The following BRAF variants were observed in gnomAD, a reference collection of about 807,000 sequenced individuals.
BRAF encodes B-Raf proto-oncogene, serine/threonine kinase.
A neutral mutation model predicts 104.6 loss-of-function variants in BRAF; 16 were observed. The observed-to-expected ratio is 0.15, with a 90% CI of 0.10 to 0.23. The LOEUF (loss-of-function observed/expected upper bound fraction) is 0.23. Ranked by LOEUF, BRAF falls within the 10% of genes least tolerant of loss-of-function variation. The pLI, the probability that BRAF is intolerant of heterozygous loss-of-function variation, is 1.00. For synonymous variants in BRAF, 310 were observed against 341.6 expected (o/e 0.91, Z 1.02); for missense variants, 541 against 937.3 (o/e 0.58, Z 5.52).
Position 140,902,412 on chromosome 7 carries a change from T to G in BRAF, c.138+22154A>C, listed in dbSNP as rs114624715. Among the ~76,000 whole-genome samples the G allele has an allele frequency of 3.2e-3, 494 of 152,278 alleles. 3 individuals carry two copies. Among genetic ancestry groups the G allele is most frequent in the African/African-American group, 0.011 (466 of 41,540 alleles). ...GGCCTCCTATTCCCTGAGATTTCAA[T>G]ATTGAAATTAGGCCAATTAAAAACC... On this transcript the variant is annotated intron_variant, in intron 1 of 19. Transcript: ENST00000644969.
At chr7:140,849,514 T>TA (rs746301355) in intron 2 of BRAF, among the ~76,000 whole-genome samples, 3,574 of 136,724 alleles carry the variant, frequency 0.026, 93 homozygotes, top group African/African-American at 0.066. Context: ...GCTTTCTCTT[T>TA]AAAAAAAAAA....
At chr7:140,904,679 G>A (rs1158541398) in intron 1 of BRAF, among the ~76,000 whole-genome samples, 1 of 152,102 alleles carries the variant, frequency 6.6e-6, no homozygotes, top group Non-Finnish European at 1.5e-5. Flanking sequence ...CACGATCTCG[G>A]CTCACTGCAA....
At chr7:140,871,351 C>T (rs1045636624) in intron 1 of BRAF, among the ~76,000 whole-genome samples, 1 of 151,476 alleles carries the variant, frequency 6.6e-6, no homozygotes, top group East Asian at 1.9e-4. Context: ...TCTGTCTGGA[C>T]ACTATGGCCA....
chr7:140,753,977 T>G (rs899710381), intron 15 of BRAF: 1 of 594,688 alleles, frequency 1.7e-6, no homozygotes, highest in African/African-American at 1.9e-5. Context: ...AGACTTCTGA[T>G]AGATTTTCTT....
chr7:140,850,653 G>A (rs1488268074), intron 1 of BRAF, among the ~76,000 whole-genome samples: 3 of 152,064 alleles, frequency 2.0e-5, no homozygotes, highest in African/African-American at 7.2e-5. Context: ...TTTTCATGGA[G>A]TAATGTCTCA....
At chr7:140,769,309 C>T (rs1158784235) in intron 14 of BRAF, among the ~76,000 whole-genome samples, 2 of 152,116 alleles carry the variant, frequency 1.3e-5, no homozygotes, top group East Asian at 3.9e-4. Flanking sequence ...AACTCCTGTC[C>T]TCAAGTGATC....
intron 14 of BRAF, among the ~76,000 whole-genome samples, chr7:140,767,418 G>C (rs1799439795): frequency 6.6e-6 from 1 of 152,200 alleles, no homozygotes; most frequent in African/African-American, 2.4e-5. Flanking sequence ...ATGGAATCTA[G>C]TGTACAAATG....
At chr7:140,870,033 T>A (rs1811404462) in intron 1 of BRAF, among the ~76,000 whole-genome samples, 2 of 151,714 alleles carry the variant, frequency 1.3e-5, no homozygotes, top group Non-Finnish European at 1.5e-5. Flanking sequence ...AAGGAAAGAG[T>A]AATCATCATT....
chr7:140,913,374 C>T (rs1284405329), intron 1 of BRAF, among the ~76,000 whole-genome samples: 1 of 148,076 alleles, frequency 6.8e-6, no homozygotes, highest in Non-Finnish European at 1.5e-5. Context: ...CAAATATTTA[C>T]TGAATACATG....
chr7:140,728,953 C>T (rs1222662366), intron 19 of BRAF, among the ~76,000 whole-genome samples: 1 of 150,592 alleles, frequency 6.6e-6, no homozygotes, highest in Non-Finnish European at 1.5e-5. Flanking sequence ...AGGTTGGGCA[C>T]AGTGGTTCAC....
intron 3 of BRAF, among the ~76,000 whole-genome samples, chr7:140,831,363 C>T (rs553592424): frequency 2.6e-5 from 4 of 152,224 alleles, no homozygotes; most frequent in Non-Finnish European, 5.9e-5. Context: ...TTTTACTCCT[C>T]GGTAGATTAA....
intron 15 of BRAF, 146 bp downstream of exon 14, chr7:140,754,041 A>G: frequency 1.2e-6 from 1 of 827,924 alleles, no homozygotes; most frequent in Non-Finnish European, 2.0e-6. Context: ...CTGCTCTCCT[A>G]TACATGCATG....
At position 140,878,126 on chromosome 7, in the gene BRAF, C is replaced by T. The variant is rs117581045; in HGVS notation, c.139-27914G>A. Among the ~76,000 whole-genome samples the T allele has an allele frequency of 3.7e-3, 556 of 151,820 alleles. 3 individuals carry two copies. The highest frequency in any genetic ancestry group is 6.8e-3 in the Middle Eastern group (2 of 294). The stretch of plus-strand genomic sequence containing the variant: ...GATACAAGGTCAAAAAAAGAAATCA[C>T]AAGAAAAATTAGAAAATACTTTTAG... On this transcript the variant is annotated intron_variant, in intron 1 of 19. Coordinates refer to ENST00000644969, the MANE Select transcript of BRAF (RefSeq NM_001374258.1).
At chr7:140,715,810 T>C (rs373695810), downstream of BRAF, among the ~76,000 whole-genome samples, 37 of 152,384 alleles carry the variant, frequency 2.4e-4, no homozygotes, top group African/African-American at 8.7e-4. Flanking sequence ...AAACTTACTA[T>C]GGGCCAGGCA....
chr7:140,854,823 T>C lies in BRAF; in HGVS notation c.139-4611A>G, dbSNP rs1294025163. 3.3e-5 allele frequency among the ~76,000 whole-genome samples: 5 copies of C among 152,072 alleles called. No individual in the cohort carries two copies. The East Asian group carries it at 9.7e-4, about 29-fold the overall frequency. On this transcript the variant is annotated intron_variant, in intron 1 of 19. Coordinates refer to ENST00000644969, the MANE Select transcript of BRAF (RefSeq NM_001374258.1). ...AGCCGGGCGTGGTGGCGTGTGCCTG[T>C]AATCCCAGCTACCCAGGAGGCTGAG...
chr7:140,723,567 T>C lies in BRAF; in HGVS notation c.*2927A>G. On this transcript the variant is annotated 3_prime_UTR_variant, in exon 20 of 20. Coordinates refer to ENST00000644969, the MANE Select transcript of BRAF (RefSeq NM_001374258.1). Reference sequence around the variant, plus strand: ...ATTCACAAATCCCTTTTATAAACTATTTTTTTGGTCAATATTATTTCAGTG... The same window carrying C: ...ATTCACAAATCCCTTTTATAAACTACTTTTTTGGTCAATATTATTTCAGTG... The C allele has an allele frequency of 9.5e-7, 1 of 1,047,422 alleles. No individual in the cohort carries two copies. The highest frequency in any genetic ancestry group is 1.2e-6 in the Non-Finnish European group (1 of 868,104). 64.9% of individuals were successfully genotyped at this position (1,047,422 alleles called of 1,614,324 possible).
chr7:140,878,478 T>C (rs1417685556), intron 1 of BRAF, among the ~76,000 whole-genome samples: 1 of 152,114 alleles, frequency 6.6e-6, no homozygotes, highest in African/African-American at 2.4e-5. Context: ...GAAAAAAACC[T>C]ACAGAATGCA....
chr7:140,780,073 G>C (rs1051051642), intron 12 of BRAF: 6 of 152,036 alleles, frequency 3.9e-5, no homozygotes, highest in African/African-American at 1.4e-4. Context: ...ATAAAATACT[G>C]TACAGCACTT....
chr7:140,783,183 T>C (rs751258042), intron 10 of BRAF, 26 bp from the exon 10 acceptor site: 2 of 1,612,922 alleles, frequency 1.2e-6, no homozygotes, highest in African/African-American at 2.7e-5. Flanking sequence ...GAAAAATGTA[T>C]ACATTAAGGA....
Sources: allele counts gnomAD v4.1 joint callset (sites outside exome capture counted in the v4.1 genomes callset), GRCh38; gene constraint gnomAD v4.1.1; transcripts MANE v1.5; gene names NCBI Gene and HGNC (gene_info 2026-07-23, HGNC 2026-07-21).